The following EFCAB6 variants were observed in gnomAD, a reference collection of about 807,000 sequenced individuals.
EFCAB6 encodes the protein EF-hand calcium binding domain 6, also known as EF-hand calcium-binding domain-containing protein 6.
Under a neutral mutation model 169.8 loss-of-function variants are expected in EFCAB6, and 156 were observed. The observed-to-expected ratio is 0.92, with a 90% CI of 0.81 to 1.05. The LOEUF (loss-of-function observed/expected upper bound fraction) is 1.05. Among genes scored for constraint, EFCAB6 ranks in the 50% least tolerant of loss-of-function variants. The pLI, the probability that EFCAB6 is intolerant of heterozygous loss-of-function variation, is 0.00. For missense variants in EFCAB6, 1,800 were observed against 1,829.1 expected, an observed-to-expected ratio of 0.98 and a Z score of 0.29; for synonymous variants, 698 against 676.4, an observed-to-expected ratio of 1.03 and a Z score of -0.50.
intron 23 of EFCAB6, among the ~76,000 whole-genome samples, chr22:43,593,643 C>T (rs2051741422): frequency 6.6e-6 from 1 of 152,234 alleles, no homozygotes; most frequent in African/African-American, 2.4e-5. Context: ...TGTGTTCGAA[C>T]TGCTCTTCTC....
chr22:43,715,834 G>A (rs952180310), intron 9 of EFCAB6, among the ~76,000 whole-genome samples: 3 of 152,184 alleles, frequency 2.0e-5, no homozygotes, highest in African/African-American at 7.2e-5. Flanking sequence ...CCACAAATAT[G>A]ACAGTGCTCA....
intron 27 of EFCAB6, among the ~76,000 whole-genome samples, chr22:43,543,489 C>T (rs2047866975): frequency 6.6e-6 from 1 of 152,206 alleles, no homozygotes; most frequent in Non-Finnish European, 1.5e-5. Flanking sequence ...ACTCAACTCT[C>T]TGCCTCTAGG....
intron 14 of EFCAB6, 54 bp downstream of exon 14, chr22:43,672,192 T>C (rs1467897188): frequency 1.2e-6 from 2 of 1,613,630 alleles, no homozygotes; most frequent in Admixed American, 3.3e-5. Context: ...CTTGTAACAG[T>C]AACCTCAAAC....
In EFCAB6 at chr22:43,732,651, G is replaced by A. The variant is rs531666482; in HGVS notation, c.645-840C>T. On this transcript the variant is annotated intron_variant, in intron 7 of 31. Transcript: ENST00000262726. ...CTGGCTAATTTTTGTATTTTTAGTA[G>A]ACACGGGGTTTTTCCATGTTGGCCA... 1.5e-4 allele frequency among the ~76,000 whole-genome samples: 23 copies of A among 151,856 alleles called. 2 individuals carry two copies. In the South Asian group the frequency reaches 4.6e-3, roughly 30 times the overall value.
At chr22:43,771,940 G>C (rs781736736) in intron 4 of EFCAB6, among the ~76,000 whole-genome samples, 3 of 152,164 alleles carry the variant, frequency 2.0e-5, no homozygotes, top group Non-Finnish European at 4.4e-5. Context: ...GCGGATGCAG[G>C]CATCCAAGCT....
intron 1 of EFCAB6, among the ~76,000 whole-genome samples, chr22:43,809,887 T>C (rs1342335878): frequency 6.6e-6 from 1 of 152,174 alleles, no homozygotes; most frequent in Non-Finnish European, 1.5e-5. Context: ...ATTACAGGCA[T>C]GAGCCACCGC....
At chr22:43,618,798 G>A (rs2053920231) in intron 20 of EFCAB6, among the ~76,000 whole-genome samples, 1 of 152,138 alleles carries the variant, frequency 6.6e-6, no homozygotes, top group African/African-American at 2.4e-5. Context: ...TTGTAATGGT[G>A]CCAACGATAG....
intron 10 of EFCAB6, among the ~76,000 whole-genome samples, chr22:43,689,116 T>C (rs1209585053): frequency 4.0e-5 from 6 of 151,870 alleles, no homozygotes; most frequent in African/African-American, 1.5e-4. Flanking sequence ...TCACCTGCAA[T>C]TGGGGGTGGG....
intron 26 of EFCAB6, among the ~76,000 whole-genome samples, chr22:43,556,373 C>T (rs1050699406): frequency 2.0e-5 from 3 of 152,108 alleles, no homozygotes; most frequent in African/African-American, 2.4e-5. Flanking sequence ...CTAGAAGACA[C>T]GCGTGGGAGT....
chr22:43,784,593 A>G (rs368591624), intron 2 of EFCAB6, among the ~76,000 whole-genome samples: 616 of 51,818 alleles, frequency 0.012, 25 homozygotes, highest in African/African-American at 0.018. Context: ...ATATATATGT[A>G]TATATACACA....
intron 17 of EFCAB6, among the ~76,000 whole-genome samples, chr22:43,644,933 T>A (rs910360904): frequency 6.6e-6 from 1 of 152,244 alleles, no homozygotes. Context: ...GTGTTCCACA[T>A]AACTTCTTAA....
chr22:43,538,351 G>A (rs1034304906), intron 28 of EFCAB6, among the ~76,000 whole-genome samples: 6 of 151,898 alleles, frequency 4.0e-5, no homozygotes, highest in African/African-American at 1.2e-4. Context: ...CCTCCTCACC[G>A]ACCCACACCC....
At chr22:43,733,909 A>G (rs4823093) in intron 7 of EFCAB6, among the ~76,000 whole-genome samples, 114,777 of 151,972 alleles carry the variant, frequency 0.76, 43,496 homozygotes, top group East Asian at 0.87. Flanking sequence ...GGGTTTCACC[A>G]TGTTGGCCAG....
intron 24 of EFCAB6, among the ~76,000 whole-genome samples, chr22:43,585,009 T>A (rs2050963911): frequency 6.6e-6 from 1 of 151,996 alleles, no homozygotes; most frequent in Non-Finnish European, 1.5e-5. Context: ...GAACATAAAA[T>A]CTCTAAAGGC....
intron 6 of EFCAB6, among the ~76,000 whole-genome samples, chr22:43,752,533 T>C (rs184864330): frequency 1.2e-4 from 18 of 152,318 alleles, no homozygotes; most frequent in East Asian, 1.2e-3. Context: ...CAGGTGGTGA[T>C]TGAGGTTGGT....
intron 2 of EFCAB6, among the ~76,000 whole-genome samples, chr22:43,801,195 AG>A (rs1365698719): frequency 6.6e-6 from 1 of 152,214 alleles, no homozygotes; most frequent in Admixed American, 6.5e-5. Context: ...CTAAAAGAAA[AG>A]AAAAGACACT....
In EFCAB6 at chr22:43,580,447, C is replaced by T. The variant is rs1602398999; in HGVS notation, c.3228+17G>A. The T allele has an allele frequency of 1.2e-6, 2 of 1,612,578 alleles. No individual in the cohort carries two copies. The highest frequency in any genetic ancestry group is 1.7e-6 in the Non-Finnish European group (2 of 1,179,316). ...CAAGATGAGTTTTCACAGTAAAGCA[C>T]TTTCAGCCTGTCATACCGTGGACAA... On this transcript the variant is annotated intron_variant, in intron 25 of 31. Transcript: ENST00000262726.
At chr22:43,788,756 C>T (rs569781320) in intron 2 of EFCAB6, among the ~76,000 whole-genome samples, 2 of 152,252 alleles carry the variant, frequency 1.3e-5, no homozygotes, top group South Asian at 4.1e-4. Context: ...TGAAAACATA[C>T]ATCCATCAAA....
intron 2 of EFCAB6, among the ~76,000 whole-genome samples, chr22:43,798,474 C>A (rs189869289): frequency 3.9e-5 from 6 of 152,194 alleles, no homozygotes; most frequent in Non-Finnish European, 5.9e-5. Flanking sequence ...CTTCAGGGAG[C>A]CTTCCTTGAC....
Sources: gnomAD v4.1 joint callset for allele counts (sites outside exome capture counted in the v4.1 genomes callset) on GRCh38, gnomAD v4.1.1 for gene constraint, MANE v1.5 for transcripts, NCBI Gene and HGNC (gene_info 2026-07-23, HGNC 2026-07-21) for gene names.